The following PCDH9 variants were observed in gnomAD, a reference collection of about 807,000 sequenced individuals.
The protein encoded by PCDH9 is protocadherin-9.
A neutral mutation model predicts 70.6 loss-of-function variants in PCDH9; 24 were observed. The observed-to-expected ratio is 0.34, with a 90% CI of 0.25 to 0.48. The LOEUF (loss-of-function observed/expected upper bound fraction) is 0.48. PCDH9 is among the 20% of genes least tolerant of loss of function. PCDH9 has a pLI of 0.99. For synonymous variants in PCDH9, 562 were observed against 558.5 expected (o/e 1.01, Z -0.09); for missense variants, 1,281 against 1,503.6 (o/e 0.85, Z 2.45).
intron 2 of PCDH9, among the ~76,000 whole-genome samples, chr13:67,172,286 C>T (rs1011730407): frequency 6.6e-6 from 1 of 152,090 alleles, no homozygotes; most frequent in African/African-American, 2.4e-5. Flanking sequence ...AAGGCAGAGC[C>T]CTGGCATCAT....
At chr13:66,585,711 C>G (rs1017346889) in intron 4 of PCDH9, among the ~76,000 whole-genome samples, 58 of 152,244 alleles carry the variant, frequency 3.8e-4, no homozygotes, top group African/African-American at 1.3e-3. Flanking sequence ...GTCAGAGAAC[C>G]TCAGGAGTGG....
At chr13:66,621,025 C>T (rs994727165) in intron 4 of PCDH9, among the ~76,000 whole-genome samples, 29 of 152,122 alleles carry the variant, frequency 1.9e-4, no homozygotes, top group African/African-American at 6.0e-4. Context: ...ATAATGTATA[C>T]GAAGATATAT....
chr13:66,814,062 T>C (rs1169025725), intron 3 of PCDH9, among the ~76,000 whole-genome samples: 22 of 152,206 alleles, frequency 1.4e-4, no homozygotes, highest in Admixed American at 1.4e-3. Flanking sequence ...CACTACATTT[T>C]AGCTTATCCA....
chr13:66,837,004 C>T (rs780238802), intron 3 of PCDH9, among the ~76,000 whole-genome samples: 5 of 152,142 alleles, frequency 3.3e-5, no homozygotes, highest in Non-Finnish European at 7.3e-5. Flanking sequence ...TCAGCACCCT[C>T]CCCATCACCT....
At chr13:66,734,981 C>T (rs961652817) in intron 3 of PCDH9, among the ~76,000 whole-genome samples, 17 of 152,068 alleles carry the variant, frequency 1.1e-4, no homozygotes, top group South Asian at 2.1e-4. Flanking sequence ...ACATATCTTA[C>T]GACTAGAACA....
intron 2 of PCDH9, among the ~76,000 whole-genome samples, chr13:66,979,220 T>G (rs911132257): frequency 6.6e-6 from 1 of 152,126 alleles, no homozygotes; most frequent in African/African-American, 2.4e-5. Context: ...CTGGAATGCA[T>G]GCAAAGATGG....
chr13:66,382,965 T>C (rs961520397), intron 4 of PCDH9, among the ~76,000 whole-genome samples: 2 of 151,972 alleles, frequency 1.3e-5, no homozygotes, highest in Non-Finnish European at 2.9e-5. Context: ...GAGGTGGAGG[T>C]TGCAGTGAGC....
rs1593664292 is a variant in PCDH9, at chr13:67,230,320, T to A, written c.-676A>T. ...CCCTCTGCCCCTCTCTCCTTCTCCC[T>A]CTCCTCTCTCTGAACTGAATTTCTT... On this transcript the variant is annotated 5_prime_UTR_variant, in exon 1 of 5. Transcript: ENST00000377865. The A allele has an allele frequency of 1.3e-5, 2 of 152,464 alleles. No individual in the cohort carries two copies. The highest frequency in any genetic ancestry group is 3.9e-4 in the East Asian group (2 of 5,180). 9.4% of individuals were successfully genotyped at this position (152,464 alleles called of 1,614,324 possible).
chr13:66,685,319 G>T (rs1364674043), intron 3 of PCDH9, among the ~76,000 whole-genome samples: 1 of 152,246 alleles, frequency 6.6e-6, no homozygotes. Flanking sequence ...GCTTCAGAGG[G>T]TGCAAGCCCC....
At chr13:67,045,152 A>G (rs2085198200) in intron 2 of PCDH9, among the ~76,000 whole-genome samples, 1 of 152,128 alleles carries the variant, frequency 6.6e-6, no homozygotes, top group Non-Finnish European at 1.5e-5. Flanking sequence ...GTGAAATTAC[A>G]TTAGGAACAC....
intron 2 of PCDH9, among the ~76,000 whole-genome samples, chr13:67,170,613 T>C (rs1480140207): frequency 6.6e-6 from 1 of 152,204 alleles, no homozygotes; most frequent in Non-Finnish European, 1.5e-5. Flanking sequence ...CATATTTTAC[T>C]ATATTTATCA....
intron 2 of PCDH9, among the ~76,000 whole-genome samples, chr13:67,066,777 T>C (rs920333792): frequency 1.3e-5 from 2 of 152,212 alleles, no homozygotes; most frequent in African/African-American, 4.8e-5. Flanking sequence ...AAGTCACTTC[T>C]TACTTTTCCA....
At chr13:66,644,783 A>G (rs999593527) in intron 3 of PCDH9, among the ~76,000 whole-genome samples, 1 of 152,048 alleles carries the variant, frequency 6.6e-6, no homozygotes, top group Non-Finnish European at 1.5e-5. Flanking sequence ...TTTAAACAGT[A>G]TAGACTTTAA....
chr13:66,590,186 G>C (rs1223158347), intron 4 of PCDH9, among the ~76,000 whole-genome samples: 1 of 151,814 alleles, frequency 6.6e-6, no homozygotes, highest in Non-Finnish European at 1.5e-5. Context: ...GTTGTTTTAA[G>C]GTTTCCTATT....
At chr13:66,447,490 T>C (rs1344661350) in intron 4 of PCDH9, among the ~76,000 whole-genome samples, 1 of 152,132 alleles carries the variant, frequency 6.6e-6, no homozygotes, top group Admixed American at 6.5e-5. Context: ...TCTCTCTTTT[T>C]AAAAATTTTT....
At chr13:67,156,520 C>T (rs2087816992) in intron 2 of PCDH9, among the ~76,000 whole-genome samples, 1 of 151,998 alleles carries the variant, frequency 6.6e-6, no homozygotes. Context: ...GAGGAGAGCC[C>T]TGGCCGTGGA....
At chr13:67,175,136 TA>T (rs1450727899) in intron 2 of PCDH9, among the ~76,000 whole-genome samples, 2 of 151,902 alleles carry the variant, frequency 1.3e-5, no homozygotes, top group East Asian at 1.9e-4. Flanking sequence ...ATCCTGTCTC[TA>T]AAAAATGAAA....
intron 4 of PCDH9, among the ~76,000 whole-genome samples, chr13:66,557,721 C>G (rs748016493): frequency 9.2e-5 from 14 of 152,112 alleles, no homozygotes; most frequent in Non-Finnish European, 1.8e-4. Flanking sequence ...AGGATACAAC[C>G]AATATCTGAA....
chr13:67,224,357 G>C (rs551165950), intron 2 of PCDH9: 5 of 152,254 alleles, frequency 3.3e-5, no homozygotes, highest in Admixed American at 2.6e-4. Context: ...CTACCAGCTT[G>C]ATCCTTCCCT....
Sources: allele counts gnomAD v4.1 joint callset (sites outside exome capture counted in the v4.1 genomes callset), GRCh38; gene constraint gnomAD v4.1.1; transcripts MANE v1.5; gene names NCBI Gene and HGNC (gene_info 2026-07-23, HGNC 2026-07-21).